Variants in VAT1L observed in about 807,000 individuals in gnomAD.
VAT1L encodes putative NADPH-dependent quinone oxidoreductase VAT1L.
In VAT1L, 34 loss-of-function variants were observed where a neutral mutation model predicts 44.1. The ratio of observed to expected loss-of-function variants is 0.77; its 90% CI spans 0.59 to 1.03. The LOEUF (loss-of-function observed/expected upper bound fraction) is 1.03, where lower values mean the gene tolerates loss of function less well. Ranked by LOEUF, VAT1L falls within the 50% of genes least tolerant of loss-of-function variation. The probability of loss-of-function intolerance (pLI) is 0.00; values close to 1 mark genes in which losing one functional copy is unlikely to be tolerated. For synonymous variants in VAT1L, 253 were observed against 202.2 expected, an observed-to-expected ratio of 1.25 and a Z score of -2.13; for missense variants, 615 against 538.8, an observed-to-expected ratio of 1.14 and a Z score of -1.40.
chr16:77,875,322 G>A (rs539176395), intron 4 of VAT1L, among the ~76,000 whole-genome samples: 100 of 152,212 alleles, frequency 6.6e-4, no homozygotes, highest in Non-Finnish European at 1.3e-3. Flanking sequence ...GTGGACACAG[G>A]ACCCAGCTGT....
intron 1 of VAT1L, among the ~76,000 whole-genome samples, chr16:77,793,037 C>CA (rs2015862774): frequency 6.6e-6 from 1 of 152,004 alleles, no homozygotes; most frequent in African/African-American, 2.4e-5. Context: ...AGCAAGTAGT[C>CA]AAAAAATGGT....
intron 8 of VAT1L, among the ~76,000 whole-genome samples, chr16:77,974,077 A>C (rs1474183774): frequency 6.6e-6 from 1 of 152,212 alleles, no homozygotes; most frequent in African/African-American, 2.4e-5. Context: ...TTTGGGTATG[A>C]CAGTCATTTC....
At chr16:77,916,384 T>C (rs1348436657) in intron 7 of VAT1L, among the ~76,000 whole-genome samples, 1 of 152,212 alleles carries the variant, frequency 6.6e-6, no homozygotes, top group Non-Finnish European at 1.5e-5. Context: ...AGCCACGAAG[T>C]AGCTGTATCG....
intron 7 of VAT1L, among the ~76,000 whole-genome samples, chr16:77,897,085 TAATCACAG>T: frequency 6.6e-6 from 1 of 152,226 alleles, no homozygotes; most frequent in East Asian, 1.9e-4. Context: ...ACTGATATGT[TAATCACAG>T]ATTCTTTATT....
intron 7 of VAT1L, among the ~76,000 whole-genome samples, chr16:77,959,526 T>G (rs2018139436): frequency 6.6e-6 from 1 of 152,216 alleles, no homozygotes; most frequent in African/African-American, 2.4e-5. Context: ...TCAAAGCTTT[T>G]AATTTATCAT....
intron 8 of VAT1L, among the ~76,000 whole-genome samples, chr16:77,973,151 A>G (rs983672852): frequency 2.0e-5 from 3 of 152,226 alleles, no homozygotes; most frequent in African/African-American, 7.2e-5. Flanking sequence ...CATGGATTCA[A>G]AACCTTGAGC....
chr16:77,951,006 T>C (rs1297152940), intron 7 of VAT1L, among the ~76,000 whole-genome samples: 4 of 152,154 alleles, frequency 2.6e-5, no homozygotes, highest in African/African-American at 9.7e-5. Flanking sequence ...CAGCCAGCCA[T>C]TGTATAGGTT....
rs2018281548 is a variant in VAT1L, at chr16:77,971,859, G to T, written c.1087G>T (p.Ala363Ser). Reference sequence around the variant, plus strand: ...TCACCTTTTCGCGCAGGTGAAGGAGGCCATGCAGCGGATTCACGACCGAGG... The same window carrying T: ...TCACCTTTTCGCGCAGGTGAAGGAGTCCATGCAGCGGATTCACGACCGAGG... ...SLWALEEVKE[A>S]MQRIHDRGNI... Residue 363 changes from alanine to serine, a missense_variant, in exon 8 of 9, where the codon GCC (alanine) becomes TCC (serine). Coordinates refer to ENST00000302536, the MANE Select transcript of VAT1L (RefSeq NM_020927.3). The T allele has an allele frequency of 6.2e-7, 1 of 1,613,574 alleles. No homozygotes were observed. The highest frequency in any genetic ancestry group is 1.3e-5 in the African/African-American group (1 of 74,916).
intron 7 of VAT1L, among the ~76,000 whole-genome samples, chr16:77,900,073 C>T (rs925552954): frequency 2.6e-5 from 4 of 152,164 alleles, no homozygotes; most frequent in Admixed American, 2.0e-4. Flanking sequence ...CTTCTATTTG[C>T]ACAGCATTTA....
At chr16:77,877,301 G>T (rs1178774143) in intron 5 of VAT1L, among the ~76,000 whole-genome samples, 1 of 151,948 alleles carries the variant, frequency 6.6e-6, no homozygotes, top group African/African-American at 2.4e-5. Flanking sequence ...ATGAGGTCAG[G>T]AGATCGAGAC....
intron 7 of VAT1L, among the ~76,000 whole-genome samples, chr16:77,935,689 C>A (rs1231554664): frequency 6.6e-6 from 1 of 152,000 alleles, no homozygotes; most frequent in Non-Finnish European, 1.5e-5. Flanking sequence ...TGGATCGTGT[C>A]TGCAGTGATT....
At chr16:77,976,051 G>T (rs553208311) in intron 8 of VAT1L, among the ~76,000 whole-genome samples, 24 of 152,318 alleles carry the variant, frequency 1.6e-4, no homozygotes, top group African/African-American at 5.8e-4. Context: ...TTGGCATATT[G>T]GTGACTATGT....
intron 7 of VAT1L, among the ~76,000 whole-genome samples, chr16:77,919,524 GA>G (rs1231919887): frequency 3.9e-5 from 6 of 152,286 alleles, no homozygotes; most frequent in African/African-American, 1.4e-4. Flanking sequence ...AATGATGTGG[GA>G]ATTTGCAAGC....
At chr16:77,950,611 A>T (rs1042116957) in intron 7 of VAT1L, among the ~76,000 whole-genome samples, 4 of 152,200 alleles carry the variant, frequency 2.6e-5, no homozygotes, top group Admixed American at 2.6e-4. Flanking sequence ...TATCATGTTA[A>T]TGAGAAATGG....
chr16:77,977,217 G>C (rs569092845), intron 8 of VAT1L, among the ~76,000 whole-genome samples: 1 of 152,158 alleles, frequency 6.6e-6, no homozygotes, highest in African/African-American at 2.4e-5. Flanking sequence ...TCCTCCCTCA[G>C]AAGAGACAGC....
intron 4 of VAT1L, among the ~76,000 whole-genome samples, chr16:77,867,627 G>A (rs2016989029): frequency 6.6e-6 from 1 of 152,088 alleles, no homozygotes; most frequent in Admixed American, 6.6e-5. Flanking sequence ...GGGAGGCCGA[G>A]GCAGGAGGAT....
intron 3 of VAT1L, among the ~76,000 whole-genome samples, chr16:77,854,458 C>T (rs1230309177): frequency 6.6e-6 from 1 of 152,186 alleles, no homozygotes; most frequent in Non-Finnish European, 1.5e-5. Flanking sequence ...ACAATTGAGT[C>T]ACTGAATTGT....
chr16:77,934,033 T>C (rs1377551449), intron 7 of VAT1L, among the ~76,000 whole-genome samples: 1 of 152,218 alleles, frequency 6.6e-6, no homozygotes, highest in Non-Finnish European at 1.5e-5. Flanking sequence ...CAATAGACTG[T>C]TCTGCTAGAG....
At chr16:77,959,942 G>C (rs1567522745) in intron 7 of VAT1L, among the ~76,000 whole-genome samples, 2 of 151,948 alleles carry the variant, frequency 1.3e-5, no homozygotes, top group African/African-American at 2.4e-5. Flanking sequence ...GCTTTTTTCA[G>C]TCTCTCCTGT....
Sources: gnomAD v4.1 joint callset for allele counts (sites outside exome capture counted in the v4.1 genomes callset) on GRCh38, gnomAD v4.1.1 for gene constraint, MANE v1.5 for transcripts, NCBI Gene and HGNC (gene_info 2026-07-23, HGNC 2026-07-21) for gene names.